Variants in SETD3 observed in about 807,000 individuals in gnomAD.
SETD3 encodes the protein actin-histidine N-methyltransferase.
Under a neutral mutation model 63.0 loss-of-function variants are expected in SETD3, and 19 were observed. The ratio of observed to expected loss-of-function variants is 0.30; its 90% confidence interval spans 0.21 to 0.44. The LOEUF (loss-of-function observed/expected upper bound fraction) is 0.44. Among genes scored for constraint, SETD3 ranks in the 20% least tolerant of loss-of-function variants. The pLI, the probability that SETD3 is intolerant of heterozygous loss-of-function variation, is 1.00. For synonymous variants in SETD3, 286 were observed against 264.1 expected, an observed-to-expected ratio of 1.08 and a Z score of -0.80; for missense variants, 587 against 728.5, an observed-to-expected ratio of 0.81 and a Z score of 2.24.
chr14:99,470,022 AC>A (rs764318536), intron 1 of SETD3, among the ~76,000 whole-genome samples: 111 of 152,232 alleles, frequency 7.3e-4, no homozygotes, highest in Non-Finnish European at 1.1e-3. Flanking sequence ...ATAATGCGTA[AC>A]CTCCCTAGCA....
chr14:99,471,527 CAGGAGGCTGAGGT>C (rs1310695528), intron 1 of SETD3, among the ~76,000 whole-genome samples: 1 of 152,202 alleles, frequency 6.6e-6, no homozygotes, highest in African/African-American at 2.4e-5. Flanking sequence ...CCCAGGTGCT[CAGGAGGCTGAGGT>C]GGGAGGCTCT....
intron 6 of SETD3, among the ~76,000 whole-genome samples, chr14:99,441,195 T>C (rs11160519): frequency 0.5 from 75,783 of 152,186 alleles, 19,447 homozygotes; most frequent in African/African-American, 0.6. Flanking sequence ...GGGGACCCAG[T>C]GTGGGGTGTG....
chr14:99,404,769 CTTT>C (rs1334656436), intron 10 of SETD3, among the ~76,000 whole-genome samples: 1 of 152,198 alleles, frequency 6.6e-6, no homozygotes, highest in African/African-American at 2.4e-5. Flanking sequence ...TTCCTGTCTT[CTTT>C]ATCATTTTAT....
At chr14:99,406,006 T>C (rs1891661244) in intron 9 of SETD3, among the ~76,000 whole-genome samples, 1 of 152,164 alleles carries the variant, frequency 6.6e-6, no homozygotes, top group Non-Finnish European at 1.5e-5. Flanking sequence ...AATGTAGGAA[T>C]TTATAGACAC....
chr14:99,433,506 T>C (rs150527914), intron 6 of SETD3, among the ~76,000 whole-genome samples: 4,896 of 152,122 alleles, frequency 0.032, 268 homozygotes, highest in African/African-American at 0.11. Context: ...GGTGCGATCT[T>C]GGCTCACTGC....
At chr14:99,457,183 T>C (rs1894807967) in intron 6 of SETD3, among the ~76,000 whole-genome samples, 1 of 152,256 alleles carries the variant, frequency 6.6e-6, no homozygotes, top group African/African-American at 2.4e-5. Context: ...GCTTCATCAA[T>C]AGTTTTTAAA....
At chr14:99,454,724 G>A (rs571375329) in intron 6 of SETD3, among the ~76,000 whole-genome samples, 41 of 150,700 alleles carry the variant, frequency 2.7e-4, no homozygotes, top group African/African-American at 9.0e-4. Context: ...TTACAGATAC[G>A]GGAAGGAAGG....
intron 6 of SETD3, among the ~76,000 whole-genome samples, chr14:99,422,798 G>A (rs1157460951): frequency 6.6e-6 from 1 of 152,178 alleles, no homozygotes; most frequent in Non-Finnish European, 1.5e-5. Flanking sequence ...CCGGGCTGCT[G>A]GTCACAAAGG....
intron 1 of SETD3, among the ~76,000 whole-genome samples, chr14:99,473,922 G>C (rs1360645996): frequency 6.6e-6 from 1 of 152,200 alleles, no homozygotes; most frequent in Non-Finnish European, 1.5e-5. Flanking sequence ...TCAGAAACGT[G>C]TTCTGGCTTT....
upstream of SETD3, among the ~76,000 whole-genome samples, chr14:99,483,555 A>G (rs954369421): frequency 2.6e-5 from 4 of 152,190 alleles, no homozygotes; most frequent in Non-Finnish European, 2.9e-5. Context: ...GTCTCAAGAA[A>G]AAGCCAGGTG....
chr14:99,474,823 G>A (rs1350476024), intron 1 of SETD3, among the ~76,000 whole-genome samples: 5 of 151,906 alleles, frequency 3.3e-5, no homozygotes, highest in Non-Finnish European at 2.9e-5. Context: ...GAGCAAGACT[G>A]TGTCTCAAAA....
intron 9 of SETD3, 63 bp from the exon 10 acceptor site, chr14:99,405,434 A>G (rs1398347916): frequency 3.9e-6 from 6 of 1,531,640 alleles, no homozygotes; most frequent in Non-Finnish European, 4.4e-6. Flanking sequence ...TTCTTAACAC[A>G]GGGCAGGGCA....
At chr14:99,444,510 A>C (rs1668619302) in intron 6 of SETD3, 1 of 152,190 alleles carries the variant, frequency 6.6e-6, no homozygotes, top group South Asian at 2.1e-4. Context: ...AGAAATGAAA[A>C]ACTGAGATGA....
At chr14:99,406,041 T>C (rs1891663051) in intron 9 of SETD3, among the ~76,000 whole-genome samples, 3 of 152,138 alleles carry the variant, frequency 2.0e-5, no homozygotes, top group Admixed American at 2.0e-4. Context: ...ACCCAAAGGC[T>C]TACCCCTCCT....
intron 8 of SETD3, chr14:99,410,260 C>T (rs1891911620): frequency 2.5e-6 from 4 of 1,612,800 alleles, no homozygotes; most frequent in Non-Finnish European, 2.5e-6. Flanking sequence ...CCTGTGTGCA[C>T]GGAGGGTGTG....
chr14:99,473,168 G>C (rs1440334444), intron 1 of SETD3, among the ~76,000 whole-genome samples: 1 of 152,146 alleles, frequency 6.6e-6, no homozygotes, highest in Non-Finnish European at 1.5e-5. Flanking sequence ...CTAATATACA[G>C]GGGCATCTGT....
rs748059584 is a variant in SETD3, at chr14:99,458,232, C to T, written c.675+47G>A. ...TATTTATGGACTCAATTCCTCTTTC[C>T]TCCCCACTCTGTGAAATATATACTT... On this transcript the variant is annotated intron_variant, in intron 6 of 12. Coordinates refer to ENST00000331768, the MANE Select transcript of SETD3 (RefSeq NM_032233.3). The T allele has an allele frequency of 3.2e-6, 5 of 1,567,796 alleles. No homozygotes were observed. The African/African-American group carries it at 6.8e-5, about 21-fold the overall frequency.
At chr14:99,411,251 AG>A (rs1440776513) in intron 8 of SETD3, 1 of 152,244 alleles carries the variant, frequency 6.6e-6, no homozygotes, top group African/African-American at 2.4e-5. Flanking sequence ...AAAAGTATGT[AG>A]TCGTATTAGG....
At chr14:99,444,063 A>G (rs966025967) in intron 6 of SETD3, among the ~76,000 whole-genome samples, 1 of 152,102 alleles carries the variant, frequency 6.6e-6, no homozygotes, top group Non-Finnish European at 1.5e-5. Flanking sequence ...TAAGACACCA[A>G]TTTAACCTGG....
Sources: gnomAD v4.1 joint callset for allele counts (sites outside exome capture counted in the v4.1 genomes callset) on GRCh38, gnomAD v4.1.1 for gene constraint, MANE v1.5 for transcripts, NCBI Gene and HGNC (gene_info 2026-07-23, HGNC 2026-07-21) for gene names.